The following MAF variants were observed in gnomAD, a reference collection of about 807,000 sequenced individuals.
MAF encodes MAF bZIP transcription factor.
MAF carries 10 observed loss-of-function variants against 22.0 expected under a neutral mutation model. The ratio of observed to expected loss-of-function variants is 0.45; its 90% confidence interval spans 0.28 to 0.77. The LOEUF (loss-of-function observed/expected upper bound fraction) is 0.77. Among genes scored for constraint, MAF ranks in the 30% least tolerant of loss-of-function variants. The pLI is 0.12. For synonymous variants in MAF, 337 were observed against 255.8 expected (o/e 1.32, Z -3.03); for missense variants, 544 against 548.4 (o/e 0.99, Z 0.08).
chr16:79,214,743 C>T, the MAF span, among the ~76,000 whole-genome samples: 4 of 96,110 alleles, frequency 4.2e-5, no homozygotes, highest in South Asian at 8.1e-4. Context: ...GACAGAATCT[C>T]ACTCTGTTGC....
At chr16:79,517,390 T>A in the MAF span, among the ~76,000 whole-genome samples, 5 of 152,212 alleles carry the variant, frequency 3.3e-5, no homozygotes, top group Non-Finnish European at 5.9e-5. Flanking sequence ...CTTAATTACA[T>A]AATTTATTTT....
the MAF span, among the ~76,000 whole-genome samples, chr16:79,292,685 C>T: frequency 6.6e-6 from 1 of 152,110 alleles, no homozygotes; most frequent in East Asian, 1.9e-4. Flanking sequence ...TTCTAAGTCA[C>T]AGGATGAGAT....
At chr16:79,339,565 C>T in the MAF span, among the ~76,000 whole-genome samples, 8 of 152,154 alleles carry the variant, frequency 5.3e-5, no homozygotes, top group East Asian at 1.9e-4. Context: ...TGTGTTAAGC[C>T]GCTAAAATTT....
At chr16:79,359,179 C>G in the MAF span, among the ~76,000 whole-genome samples, 1 of 152,134 alleles carries the variant, frequency 6.6e-6, no homozygotes, top group South Asian at 2.1e-4. Context: ...CCCACAGTAG[C>G]TGGGGAATGG....
the MAF span, among the ~76,000 whole-genome samples, chr16:79,344,493 G>C: frequency 2.0e-5 from 3 of 152,160 alleles, no homozygotes; most frequent in Non-Finnish European, 4.4e-5. Flanking sequence ...CATCAGGACT[G>C]TCCCATACAA....
At chr16:79,371,108 G>A in the MAF span, among the ~76,000 whole-genome samples, 1 of 150,774 alleles carries the variant, frequency 6.6e-6, no homozygotes, top group Non-Finnish European at 1.5e-5. Flanking sequence ...ATGGTTTGGA[G>A]GGCCCCAAAC....
chr16:79,255,939 G>A, the MAF span, among the ~76,000 whole-genome samples: 30 of 149,122 alleles, frequency 2.0e-4, no homozygotes, highest in African/African-American at 7.5e-4. Flanking sequence ...TAGCTAGAGA[G>A]ATGTCTTTAT....
At chr16:79,246,354 C>G in the MAF span, among the ~76,000 whole-genome samples, 1 of 152,266 alleles carries the variant, frequency 6.6e-6, no homozygotes, top group East Asian at 1.9e-4. Flanking sequence ...TTGACTCTCT[C>G]ATTGCTTGAA....
At chr16:79,569,188 C>T in the MAF span, among the ~76,000 whole-genome samples, 2 of 152,136 alleles carry the variant, frequency 1.3e-5, no homozygotes, top group Non-Finnish European at 2.9e-5. Context: ...CATCGAGGGT[C>T]GGATAACGCT....
the MAF span, among the ~76,000 whole-genome samples, chr16:79,475,526 A>G: frequency 6.6e-6 from 1 of 152,108 alleles, no homozygotes; most frequent in Non-Finnish European, 1.5e-5. Context: ...CTGTCTATCG[A>G]TCTATCTATC....
the MAF span, among the ~76,000 whole-genome samples, chr16:79,315,534 T>C: frequency 6.6e-6 from 1 of 152,344 alleles, no homozygotes; most frequent in South Asian, 2.1e-4. Flanking sequence ...TAATACACGC[T>C]GTTAGTAAGT....
At chr16:79,513,373 G>A in the MAF span, among the ~76,000 whole-genome samples, 1 of 152,242 alleles carries the variant, frequency 6.6e-6, no homozygotes, top group African/African-American at 2.4e-5. Flanking sequence ...TCCCCAACTG[G>A]AGCATGAGAA....
rs182176065 is a variant in MAF at position 79,598,820 on chromosome 16, C to G, written c.1083G>C (p.Ser361=). ...LVSSGFRENG[S]SSDNPSSPEF... The stretch of plus-strand genomic sequence containing the variant: ...CGGGAGAGGACGGGTTGTCGCTGCT[C>G]GAGCCGTTTTCTCGGAAGCCGCTGC... Residue 361 remains serine (S), a synonymous_variant, in exon 1 of 2, where the codon TCG becomes TCC. Coordinates refer to ENST00000326043, the MANE Select transcript of MAF (RefSeq NM_005360.5). 76 of 1,613,332 alleles carry G rather than the reference C, an allele frequency of 4.7e-5. No individual in the cohort carries two copies. Among genetic ancestry groups the G allele is most frequent in the Non-Finnish European group, 6.2e-5 (73 of 1,179,874 alleles).
At chr16:79,526,858 A>C in the MAF span, among the ~76,000 whole-genome samples, 1 of 152,254 alleles carries the variant, frequency 6.6e-6, no homozygotes, top group Non-Finnish European at 1.5e-5. Context: ...AGATATAGAT[A>C]ATAGTAGAAG....
chr16:79,387,681 C>T, the MAF span, among the ~76,000 whole-genome samples: 2 of 152,144 alleles, frequency 1.3e-5, no homozygotes, highest in Non-Finnish European at 2.9e-5. Context: ...CATGTTCAAA[C>T]AGTATAAAGG....
At chr16:79,545,566 C>G in the MAF span, among the ~76,000 whole-genome samples, 1 of 151,540 alleles carries the variant, frequency 6.6e-6, no homozygotes, top group Admixed American at 6.6e-5. Context: ...GTGGACATTA[C>G]AAAATTTACC....
At chr16:79,350,501 C>G in the MAF span, among the ~76,000 whole-genome samples, 65 of 152,308 alleles carry the variant, frequency 4.3e-4, no homozygotes, top group African/African-American at 1.5e-3. Context: ...GCTGGACTAC[C>G]CTTTTCCAGC....
the MAF span, among the ~76,000 whole-genome samples, chr16:79,442,292 C>T: frequency 6.6e-6 from 1 of 152,142 alleles, no homozygotes; most frequent in Admixed American, 6.5e-5. Context: ...GGGGAAGCAA[C>T]CGAAAGAACT....
At chr16:79,318,304 G>C in the MAF span, among the ~76,000 whole-genome samples, 1 of 152,128 alleles carries the variant, frequency 6.6e-6, no homozygotes, top group African/African-American at 2.4e-5. Flanking sequence ...ATGCTAAATG[G>C]TAAGGAGCAA....
Sources: gnomAD v4.1 joint callset for allele counts (sites outside exome capture counted in the v4.1 genomes callset) on GRCh38, gnomAD v4.1.1 for gene constraint, MANE v1.5 for transcripts, NCBI Gene and HGNC (gene_info 2026-07-23, HGNC 2026-07-21) for gene names.